Variants in DGKB observed in about 807,000 individuals in gnomAD.
The protein encoded by DGKB is 90 kDa diacylglycerol kinase.
Under a neutral mutation model 114.3 loss-of-function variants are expected in DGKB, and 67 were observed. That is an observed-to-expected ratio of 0.59 (90% CI 0.48 to 0.72). The LOEUF (loss-of-function observed/expected upper bound fraction) is 0.72. Ranked by LOEUF, DGKB falls within the 30% of genes least tolerant of loss-of-function variation. The probability of loss-of-function intolerance (pLI) is 0.00; values close to 1 mark genes in which losing one functional copy is unlikely to be tolerated. For synonymous variants in DGKB, 398 were observed against 323.1 expected, an observed-to-expected ratio of 1.23 and a Z score of -2.49; for missense variants, 907 against 975.2, an observed-to-expected ratio of 0.93 and a Z score of 0.93.
At chr7:14,827,004 G>A (rs775658534) in intron 2 of DGKB, among the ~76,000 whole-genome samples, 18 of 152,070 alleles carry the variant, frequency 1.2e-4, no homozygotes, top group Admixed American at 2.0e-4. Context: ...CTGAAGGTAC[G>A]TGATGCTAAA....
intron 20 of DGKB, among the ~76,000 whole-genome samples, chr7:14,489,589 A>G (rs1784321462): frequency 6.6e-6 from 1 of 152,206 alleles, no homozygotes; most frequent in Non-Finnish European, 1.5e-5. Flanking sequence ...TCATCTTTGA[A>G]TACCCAAGGG....
intron 21 of DGKB, among the ~76,000 whole-genome samples, chr7:14,384,655 C>T (rs1011908644): frequency 2.0e-5 from 3 of 152,186 alleles, no homozygotes; most frequent in Non-Finnish European, 1.5e-5. Context: ...TTGATTCTGA[C>T]GTTCCTAAAG....
rs73680205 is a variant in DGKB at position 14,641,128 on chromosome 7, C to T, written c.1135-10860G>A. Among the ~76,000 whole-genome samples, 598 of 152,202 alleles carry T rather than the reference C, an allele frequency of 3.9e-3. 1 individual carries two copies. Among genetic ancestry groups the T allele is most frequent in the African/African-American group, 0.013 (545 of 41,536 alleles). ...TGTTTAATGAGAATAGCAAATTTTG[C>T]ACATTCTTGCCAACACTGGGTATTA... On this transcript the variant is annotated intron_variant, in intron 13 of 25. Transcript: ENST00000402815.
chr7:14,285,022 TA>T (rs1298466193), intron 23 of DGKB, among the ~76,000 whole-genome samples: 3 of 75,700 alleles, frequency 4.0e-5, no homozygotes, highest in East Asian at 3.5e-4. Flanking sequence ...AATAAAAAAA[TA>T]AAAAAATAAT....
At chr7:14,906,999 T>C (rs1344912849), upstream of DGKB, among the ~76,000 whole-genome samples, 1 of 152,210 alleles carries the variant, frequency 6.6e-6, no homozygotes, top group African/African-American at 2.4e-5. Context: ...TGCTCAATAA[T>C]TTAAATCCTT....
chr7:14,689,575 C>G (rs1399387828), intron 9 of DGKB, among the ~76,000 whole-genome samples: 1 of 152,256 alleles, frequency 6.6e-6, no homozygotes, highest in East Asian at 1.9e-4. Context: ...AACTGTTCAT[C>G]TCCAGACCAC....
intron 23 of DGKB, among the ~76,000 whole-genome samples, chr7:14,305,697 A>G (rs1168597621): frequency 6.6e-6 from 1 of 152,098 alleles, no homozygotes; most frequent in African/African-American, 2.4e-5. Context: ...CACAGATTGC[A>G]CCAGTGTAAT....
intron 23 of DGKB, among the ~76,000 whole-genome samples, chr7:14,291,142 CAAA>C (rs373171858): frequency 8.1e-5 from 7 of 86,374 alleles, no homozygotes; most frequent in African/African-American, 2.9e-4. Flanking sequence ...AACTCCGTCT[CAAA>C]AAAAAAAAAA....
chr7:14,219,054 T>G (rs967053189), intron 23 of DGKB, among the ~76,000 whole-genome samples: 3 of 151,948 alleles, frequency 2.0e-5, no homozygotes, highest in African/African-American at 7.2e-5. Context: ...CTTCTTTCAC[T>G]TAGCATGTTT....
intron 22 of DGKB, among the ~76,000 whole-genome samples, chr7:14,340,061 T>C (rs1381363375): frequency 6.6e-6 from 1 of 151,822 alleles, no homozygotes; most frequent in Non-Finnish European, 1.5e-5. Flanking sequence ...GAAACACATC[T>C]TGAGACTACT....
In DGKB at chr7:14,736,227, G is replaced by T. The variant is rs563078982; in HGVS notation, c.169-33C>A. On this transcript the variant is annotated intron_variant, in intron 4 of 25. Coordinates refer to ENST00000402815, the MANE Select transcript of DGKB (RefSeq NM_001350709.2). ...AAAAAAATGTAAACATGTATTTTAA[G>T]ATCCAACCAAATGTTAAAATTCTGT... 8 of 1,371,228 alleles carry T rather than the reference G, an allele frequency of 5.8e-6. No individual in the cohort carries two copies. In the East Asian group the frequency reaches 1.7e-4, roughly 28 times the overall value. 84.9% of individuals were successfully genotyped at this position (1,371,228 alleles called of 1,614,324 possible).
rs538298385 is a variant in DGKB at position 14,841,301 on chromosome 7, G to T, written c.-38C>A. The T allele has an allele frequency of 1.3e-6, 2 of 1,588,886 alleles. No individual in the cohort carries two copies. Among genetic ancestry groups the T allele is most frequent in the Non-Finnish European group, 1.7e-6 (2 of 1,159,714 alleles). The stretch of plus-strand genomic sequence containing the variant: ...AAGCTCTGTCACATACCAGGTAAAA[G>T]ATTCTTTATTCAGGTGTTGCGCAGA... On this transcript the variant is annotated 5_prime_UTR_variant, in exon 2 of 26. Transcript: ENST00000402815.
chr7:14,886,772 C>T (rs958392291), intron 1 of DGKB, among the ~76,000 whole-genome samples: 1 of 151,744 alleles, frequency 6.6e-6, no homozygotes, highest in African/African-American at 2.4e-5. Context: ...GTAATCCCAT[C>T]GAAACATAAA....
chr7:14,643,855 A>G (rs1328636849), intron 13 of DGKB, among the ~76,000 whole-genome samples: 1 of 152,178 alleles, frequency 6.6e-6, no homozygotes, highest in East Asian at 1.9e-4. Flanking sequence ...CATCCTCCTC[A>G]GGAATTGCTA....
intron 1 of DGKB, among the ~76,000 whole-genome samples, chr7:14,851,241 G>C (rs1849306482): frequency 6.6e-6 from 1 of 151,984 alleles, no homozygotes; most frequent in Non-Finnish European, 1.5e-5. Flanking sequence ...AAATCTAAAA[G>C]AAAAAATTCA....
intron 21 of DGKB, among the ~76,000 whole-genome samples, chr7:14,444,272 A>G (rs1368516526): frequency 6.6e-6 from 1 of 151,804 alleles, no homozygotes; most frequent in Non-Finnish European, 1.5e-5. Context: ...ATTGTATATG[A>G]TAGTTATTAT....
At chr7:14,690,469 TTAAAA>T (rs1199735904) in intron 9 of DGKB, among the ~76,000 whole-genome samples, 2 of 152,358 alleles carry the variant, frequency 1.3e-5, no homozygotes, top group African/African-American at 2.4e-5. Flanking sequence ...TCCAAATGAA[TTAAAA>T]TAAATTAAAA....
At position 14,163,599 on chromosome 7, in the gene DGKB, A is replaced by G. The variant is rs547534571; in HGVS notation, c.2304+13240T>C. ...CTCACTACCACTCACACCTTAAAAC[A>G]TATACTCACAAGAACAGCAGTCTGC... On this transcript the variant is annotated intron_variant, in intron 25 of 25. Coordinates refer to ENST00000402815, the MANE Select transcript of DGKB (RefSeq NM_001350709.2). Among the ~76,000 whole-genome samples, 12 of 152,370 alleles carry G rather than the reference A, an allele frequency of 7.9e-5. No individual in the cohort carries two copies. The South Asian group carries it at 1.2e-3, about 16-fold the overall frequency.
At chr7:14,402,353 T>C (rs1158250244) in intron 21 of DGKB, among the ~76,000 whole-genome samples, 3 of 151,900 alleles carry the variant, frequency 2.0e-5, no homozygotes, top group Admixed American at 6.6e-5. Flanking sequence ...CCCATATCAA[T>C]GCCTAATTTT....
Sources: allele counts gnomAD v4.1 joint callset (sites outside exome capture counted in the v4.1 genomes callset), GRCh38; gene constraint gnomAD v4.1.1; transcripts MANE v1.5; gene names NCBI Gene and HGNC (gene_info 2026-07-23, HGNC 2026-07-21).